Variants in IL1RAPL2 observed in about 807,000 individuals in gnomAD.
The protein encoded by IL1RAPL2 is X-linked interleukin-1 receptor accessory protein-like 2.
Under a neutral mutation model 44.1 loss-of-function variants are expected in IL1RAPL2, and 3 were observed. The ratio of observed to expected loss-of-function variants is 0.07; its 90% CI spans 0.03 to 0.18. The LOEUF (loss-of-function observed/expected upper bound fraction) is 0.18, where lower values mean the gene tolerates loss of function less well. Ranked by LOEUF, IL1RAPL2 falls within the 10% of genes least tolerant of loss-of-function variation. The probability of loss-of-function intolerance (pLI) is 1.00; values close to 1 mark genes in which losing one functional copy is unlikely to be tolerated. For synonymous variants in IL1RAPL2, 181 were observed against 178.8 expected, an observed-to-expected ratio of 1.01 and a Z score of -0.10; for missense variants, 391 against 496.4, an observed-to-expected ratio of 0.79 and a Z score of 2.02.
chrX:104,780,558 G>A (rs1932765584), intron 2 of IL1RAPL2, among the ~76,000 whole-genome samples: 1 of 111,970 alleles, frequency 8.9e-6, no homozygotes, highest in Non-Finnish European at 1.9e-5. Flanking sequence ...TATTTTTGTT[G>A]CAGGATTACT....
At chrX:105,513,937 G>T (rs1452740266) in intron 6 of IL1RAPL2, among the ~76,000 whole-genome samples, 3 of 110,891 alleles carry the variant, frequency 2.7e-5, no homozygotes, top group Non-Finnish European at 5.7e-5. Flanking sequence ...ATCTTGAGTT[G>T]ATTTTCGTAC....
intron 2 of IL1RAPL2, among the ~76,000 whole-genome samples, chrX:104,979,876 G>T (rs910759948): frequency 8.9e-6 from 1 of 111,830 alleles, no homozygotes; most frequent in African/African-American, 3.2e-5. Context: ...GGAATCTAGT[G>T]GGTAGAAGCC....
At chrX:104,769,930 T>C (rs1932614687) in intron 2 of IL1RAPL2, among the ~76,000 whole-genome samples, 1 of 112,347 alleles carries the variant, frequency 8.9e-6, no homozygotes. Context: ...TTTCAGCTGG[T>C]ATTTCTCTAG....
intron 2 of IL1RAPL2, among the ~76,000 whole-genome samples, chrX:104,692,987 C>G (rs899455573): frequency 9.9e-5 from 11 of 111,410 alleles, no homozygotes; most frequent in Non-Finnish European, 1.9e-4. Flanking sequence ...CCTATTTCTC[C>G]ACATCCTCTC....
At chrX:104,945,991 A>G (rs1000027402) in intron 2 of IL1RAPL2, among the ~76,000 whole-genome samples, 1 of 111,033 alleles carries the variant, frequency 9.0e-6, no homozygotes, top group African/African-American at 3.3e-5. Flanking sequence ...AAAAAATCAT[A>G]AATATGGTTT....
chrX:104,803,016 G>A (rs1283684805), intron 2 of IL1RAPL2, among the ~76,000 whole-genome samples: 1 of 111,703 alleles, frequency 9.0e-6, no homozygotes, highest in African/African-American at 3.3e-5. Flanking sequence ...TTCTCAATGT[G>A]TCTATAAGAA....
At chrX:105,470,433 T>A (rs1238748136) in intron 5 of IL1RAPL2, among the ~76,000 whole-genome samples, 1 of 111,845 alleles carries the variant, frequency 8.9e-6, no homozygotes, top group South Asian at 3.7e-4. Context: ...ATAAACCAAA[T>A]GGGTAGTAAG....
intron 2 of IL1RAPL2, among the ~76,000 whole-genome samples, chrX:104,704,551 A>G (rs1023076874): frequency 1.8e-5 from 2 of 111,598 alleles, no homozygotes; most frequent in Non-Finnish European, 3.8e-5. Flanking sequence ...TGTTCTAAGG[A>G]AATCCAGAGT....
At chrX:105,650,859 A>G (rs2037637822) in intron 6 of IL1RAPL2, among the ~76,000 whole-genome samples, 1 of 112,116 alleles carries the variant, frequency 8.9e-6, no homozygotes, top group African/African-American at 3.2e-5. Context: ...CAATTTACCC[A>G]TGAAGACAGA....
chrX:105,190,181 G>A (rs1438796278), intron 2 of IL1RAPL2, among the ~76,000 whole-genome samples: 1 of 111,125 alleles, frequency 9.0e-6, no homozygotes, highest in Non-Finnish European at 1.9e-5. Context: ...GAAACTCATA[G>A]CTGCTGCTGC....
chrX:104,855,681 G>GTTTTTTTTTTTTTTTTTTTTTT lies in IL1RAPL2; in HGVS notation c.82+196703_82+196704insTTTTTTTTTTTTTTTTTTTTTT, dbSNP rs1556002120. Reference sequence around the variant, plus strand: ...TTAACTGTGCTAAGGATCTGGATCCGTTTTTTTTTTTTTTTTTACTGTATC... The same window carrying GTTTTTTTTTTTTTTTTTTTTTT: ...TTAACTGTGCTAAGGATCTGGATCCGTTTTTTTTTTTTTTTTTTTTTTTTTTTTTTTTTTTTTTTACTGTATC... On this transcript the variant is annotated intron_variant, in intron 2 of 10. Coordinates refer to ENST00000372582, the MANE Select transcript of IL1RAPL2 (RefSeq NM_017416.2). Among the ~76,000 whole-genome samples the GTTTTTTTTTTTTTTTTTTTTTT allele has an allele frequency of 5.2e-4, 28 of 53,855 alleles. 2 individuals are homozygous for GTTTTTTTTTTTTTTTTTTTTTT. Among genetic ancestry groups the GTTTTTTTTTTTTTTTTTTTTTT allele is most frequent in the African/African-American group, 1.6e-3 (26 of 16,517 alleles). 46.8% of individuals were successfully genotyped at this position (53,855 alleles called of 115,157 possible).
chrX:104,927,326 T>C (rs1924796851), intron 2 of IL1RAPL2, among the ~76,000 whole-genome samples: 1 of 111,575 alleles, frequency 9.0e-6, no homozygotes, highest in Admixed American at 9.5e-5. Flanking sequence ...TTTTCAATTA[T>C]AGGATTAATT....
At chrX:104,598,548 T>A (rs1378315248) in intron 1 of IL1RAPL2, among the ~76,000 whole-genome samples, 1 of 112,082 alleles carries the variant, frequency 8.9e-6, no homozygotes, top group Non-Finnish European at 1.9e-5. Context: ...TTTGTGTTCC[T>A]TTTACCTCTG....
intron 2 of IL1RAPL2, among the ~76,000 whole-genome samples, chrX:104,980,383 T>C (rs1017600854): frequency 8.9e-6 from 1 of 111,936 alleles, no homozygotes; most frequent in Non-Finnish European, 1.9e-5. Context: ...TTGTGTTCTT[T>C]TTTGTATTAT....
intron 6 of IL1RAPL2, among the ~76,000 whole-genome samples, chrX:105,584,871 CTT>C (rs1263910344): frequency 1.8e-5 from 2 of 110,721 alleles, no homozygotes; most frequent in Non-Finnish European, 3.8e-5. Context: ...ATTCTTTCCT[CTT>C]CTGGAGCTCC....
chrX:104,791,845 C>T, intron 2 of IL1RAPL2, among the ~76,000 whole-genome samples: 1 of 111,094 alleles, frequency 9.0e-6, no homozygotes, highest in Non-Finnish European at 1.9e-5. Flanking sequence ...TGTTAAGAAC[C>T]CTATCTCTAC....
At chrX:104,989,266 C>G (rs2030616912) in intron 2 of IL1RAPL2, among the ~76,000 whole-genome samples, 1 of 111,184 alleles carries the variant, frequency 9.0e-6, no homozygotes, top group South Asian at 3.8e-4. Flanking sequence ...TTATGCTTTT[C>G]CCTACAATGA....
At chrX:105,388,248 C>T (rs1342868137) in intron 5 of IL1RAPL2, among the ~76,000 whole-genome samples, 4 of 94,512 alleles carry the variant, frequency 4.2e-5, no homozygotes, top group South Asian at 6.1e-4. Flanking sequence ...CTGACTATGT[C>T]GGCAGCCACA....
intron 2 of IL1RAPL2, among the ~76,000 whole-genome samples, chrX:104,770,470 T>C (rs1932623385): frequency 8.9e-6 from 1 of 111,807 alleles, no homozygotes; most frequent in Non-Finnish European, 1.9e-5. Flanking sequence ...GCAACTACAA[T>C]TTATTAAGTA....
Sources: gnomAD v4.1 joint callset for allele counts (sites outside exome capture counted in the v4.1 genomes callset) on GRCh38, gnomAD v4.1.1 for gene constraint, MANE v1.5 for transcripts, NCBI Gene and HGNC (gene_info 2026-07-23, HGNC 2026-07-21) for gene names.